Variants in CEP57L1 observed in about 807,000 individuals in gnomAD.
CEP57L1 encodes centrosomal protein CEP57L1.
Under a neutral mutation model 61.0 loss-of-function variants are expected in CEP57L1, and 37 were observed. That is an observed-to-expected ratio of 0.61 (90% CI 0.47 to 0.80). The LOEUF is 0.80. Ranked by LOEUF, CEP57L1 falls within the 30% of genes least tolerant of loss-of-function variation. The pLI is 0.00. For synonymous variants in CEP57L1, 137 were observed against 162.3 expected, an observed-to-expected ratio of 0.84 and a Z score of 1.19; for missense variants, 422 against 524.7, an observed-to-expected ratio of 0.80 and a Z score of 1.91.
intron 1 of CEP57L1, among the ~76,000 whole-genome samples, chr6:109,118,953 A>G (rs745777089): frequency 2.0e-5 from 3 of 152,174 alleles, no homozygotes; most frequent in Non-Finnish European, 4.4e-5. Context: ...ACATGAACAG[A>G]TTATTATTTC....
intron 9 of CEP57L1, among the ~76,000 whole-genome samples, chr6:109,160,067 T>C (rs1327373684): frequency 6.6e-6 from 1 of 152,254 alleles, no homozygotes; most frequent in Non-Finnish European, 1.5e-5. Context: ...GCCCACCTGC[T>C]TAAATATATA....
intron 1 of CEP57L1, among the ~76,000 whole-genome samples, chr6:109,105,580 A>T (rs139559267): frequency 6.6e-6 from 1 of 152,194 alleles, no homozygotes; most frequent in African/African-American, 2.4e-5. Context: ...CTGAAGTACC[A>T]TAATCAGTCT....
At chr6:109,118,900 G>A (rs757066079) in intron 1 of CEP57L1, among the ~76,000 whole-genome samples, 79 of 152,296 alleles carry the variant, frequency 5.2e-4, no homozygotes, top group Non-Finnish European at 8.4e-4. Context: ...TTGCAAAGAT[G>A]AATAAGACTT....
chr6:109,158,430 G>A (rs192505243), intron 7 of CEP57L1: 220 of 295,556 alleles, frequency 7.4e-4, no homozygotes, highest in African/African-American at 4.6e-3. Context: ...CGGAGGTTGC[G>A]GTGAGCCAAG....
At chr6:109,095,925 G>T (rs1032215443) in intron 1 of CEP57L1, among the ~76,000 whole-genome samples, 2 of 152,116 alleles carry the variant, frequency 1.3e-5, no homozygotes, top group African/African-American at 4.8e-5. Flanking sequence ...ACCTTTGTTT[G>T]CCTTTGCTTA....
At chr6:109,123,543 CT>C (rs760661953) in intron 1 of CEP57L1, among the ~76,000 whole-genome samples, 8 of 152,158 alleles carry the variant, frequency 5.3e-5, no homozygotes, top group Non-Finnish European at 1.2e-4. Context: ...TAAATGTTAG[CT>C]GTTTTTTAAA....
intron 7 of CEP57L1, chr6:109,158,081 G>A (rs1449704613): frequency 6.6e-6 from 1 of 152,358 alleles, no homozygotes; most frequent in Non-Finnish European, 1.5e-5. Context: ...TTTTGTGGTT[G>A]GCTTTTTTCC....
intron 1 of CEP57L1, among the ~76,000 whole-genome samples, chr6:109,135,308 T>C (rs541746050): frequency 5.6e-4 from 85 of 151,634 alleles, no homozygotes; most frequent in African/African-American, 1.6e-3. Context: ...AAACAAGAAA[T>C]GGGGAAAGGA....
intron 1 of CEP57L1, among the ~76,000 whole-genome samples, chr6:109,139,464 G>A (rs1005732629): frequency 5.3e-5 from 8 of 151,680 alleles, no homozygotes; most frequent in Non-Finnish European, 1.0e-4. Context: ...TCGCCTGGCT[G>A]AATTTTTTTT....
intron 1 of CEP57L1, among the ~76,000 whole-genome samples, chr6:109,144,482 T>C (rs781377745): frequency 6.6e-5 from 10 of 152,140 alleles, no homozygotes; most frequent in Non-Finnish European, 1.3e-4. Context: ...AAAAATAGAA[T>C]ACATTTCTAA....
intron 1 of CEP57L1, among the ~76,000 whole-genome samples, chr6:109,111,311 G>A (rs904455565): frequency 2.6e-5 from 4 of 152,164 alleles, no homozygotes; most frequent in Admixed American, 6.5e-5. Flanking sequence ...GTTCACTCAC[G>A]ATTTGGCTCT....
chr6:109,174,109 A>AAAACAAAAAC lies in CEP57L1; in HGVS notation c.*11142_*11143insCAAAAACAAA, dbSNP rs1554199812. ...AGTGAGTCTTGGTCTCAAAAAAAAA[A>AAAACAAAAAC]AAAAACCTTGTGTTGGAAACCATCT... On this transcript the variant is annotated 3_prime_UTR_variant, in exon 11 of 11. Transcript: ENST00000517392. Among the ~76,000 whole-genome samples the AAAACAAAAAC allele has an allele frequency of 2.7e-5, 4 of 148,280 alleles. No individual in the cohort carries two copies. The highest frequency in any genetic ancestry group is 1.0e-4 in the African/African-American group (4 of 39,852).
chr6:109,112,168 G>C (rs928766870), intron 1 of CEP57L1, among the ~76,000 whole-genome samples: 2 of 151,862 alleles, frequency 1.3e-5, no homozygotes, highest in African/African-American at 4.8e-5. Flanking sequence ...TTTTTTTGGT[G>C]GGTAGGCTAT....
chr6:109,157,044 G>A (rs930883809), intron 7 of CEP57L1: 1 of 152,064 alleles, frequency 6.6e-6, no homozygotes, highest in Non-Finnish European at 1.5e-5. Flanking sequence ...TGGGTTAATG[G>A]AACTTTTTTC....
chr6:109,156,933 A>C (rs192778866), intron 7 of CEP57L1: 2 of 152,194 alleles, frequency 1.3e-5, no homozygotes, highest in African/African-American at 4.8e-5. Context: ...TTGTGCAATG[A>C]GATTCACAGC....
At chr6:109,103,429 G>A (rs937337721) in intron 1 of CEP57L1, among the ~76,000 whole-genome samples, 2 of 152,066 alleles carry the variant, frequency 1.3e-5, no homozygotes, top group African/African-American at 2.4e-5. Flanking sequence ...TAACAAGGTC[G>A]ATTTGAATTC....
intron 2 of CEP57L1, among the ~76,000 whole-genome samples, chr6:109,145,990 T>C (rs1381165501): frequency 1.3e-5 from 2 of 151,924 alleles, no homozygotes. Context: ...AAACTAGTTT[T>C]GTGGAATAAA....
intron 1 of CEP57L1, among the ~76,000 whole-genome samples, chr6:109,096,260 C>T (rs977099880): frequency 1.3e-5 from 2 of 152,218 alleles, no homozygotes; most frequent in Non-Finnish European, 2.9e-5. Flanking sequence ...TTGCATTGCA[C>T]TAAATTCTAA....
At chr6:109,099,892 A>G (rs1390659272) in intron 1 of CEP57L1, among the ~76,000 whole-genome samples, 1 of 152,196 alleles carries the variant, frequency 6.6e-6, no homozygotes, top group Admixed American at 6.5e-5. Context: ...GCGAGTATGG[A>G]TGCAGCACTC....
Sources: gnomAD v4.1 joint callset for allele counts (sites outside exome capture counted in the v4.1 genomes callset) on GRCh38, gnomAD v4.1.1 for gene constraint, MANE v1.5 for transcripts, NCBI Gene and HGNC (gene_info 2026-07-23, HGNC 2026-07-21) for gene names.